The following CCDC91 variants were observed in gnomAD, a reference collection of about 807,000 sequenced individuals.
The protein encoded by CCDC91 is coiled-coil domain-containing protein 91.
Under a neutral mutation model 63.2 loss-of-function variants are expected in CCDC91, and 48 were observed. The ratio of observed to expected loss-of-function variants is 0.76; its 90% CI spans 0.60 to 0.97. The LOEUF (loss-of-function observed/expected upper bound fraction) is 0.97. Ranked by LOEUF, CCDC91 falls within the 50% of genes least tolerant of loss-of-function variation. CCDC91 has a pLI of 0.00. For missense variants in CCDC91, 500 were observed against 494.6 expected, an observed-to-expected ratio of 1.01 and a Z score of -0.10; for synonymous variants, 167 against 165.8, an observed-to-expected ratio of 1.01 and a Z score of -0.06.
chr12:28,469,182 A>G (rs1398763635), intron 11 of CCDC91, among the ~76,000 whole-genome samples: 1 of 152,078 alleles, frequency 6.6e-6, no homozygotes, highest in Non-Finnish European at 1.5e-5. Context: ...TATATTTGGA[A>G]AAAACCTAAA....
chr12:28,229,035 G>A (rs1187926314), intron 1 of CCDC91, among the ~76,000 whole-genome samples: 6 of 152,002 alleles, frequency 3.9e-5, no homozygotes. Flanking sequence ...CATTCTGGTG[G>A]ATTGTCTTAC....
intron 11 of CCDC91, among the ~76,000 whole-genome samples, chr12:28,463,596 AC>A (rs1950410934): frequency 6.6e-6 from 1 of 152,190 alleles, no homozygotes; most frequent in South Asian, 2.1e-4. Flanking sequence ...GGACAGATAA[AC>A]ACTTTAAGGG....
chr12:28,198,932 T>G (rs1056343032), intron 1 of CCDC91: 1 of 152,038 alleles, frequency 6.6e-6, no homozygotes, highest in African/African-American at 2.4e-5. Context: ...TTCTCTTTTT[T>G]TTTTTTTAAG....
At chr12:28,381,089 T>G (rs1945272335) in intron 7 of CCDC91, among the ~76,000 whole-genome samples, 1 of 152,148 alleles carries the variant, frequency 6.6e-6, no homozygotes, top group Non-Finnish European at 1.5e-5. Context: ...TTACTTTTGA[T>G]TTTTAAATTT....
At chr12:28,303,032 G>A (rs1938249223) in intron 3 of CCDC91, among the ~76,000 whole-genome samples, 1 of 152,028 alleles carries the variant, frequency 6.6e-6, no homozygotes, top group Non-Finnish European at 1.5e-5. Flanking sequence ...AAAGTGTTAG[G>A]TAGAAATATA....
intron 12 of CCDC91, among the ~76,000 whole-genome samples, chr12:28,524,776 C>G (rs1941107694): frequency 6.6e-6 from 1 of 152,034 alleles, no homozygotes; most frequent in South Asian, 2.1e-4. Flanking sequence ...AGTCTCACTG[C>G]TTTTTATTGG....
intron 12 of CCDC91, among the ~76,000 whole-genome samples, chr12:28,498,397 C>A (rs567282376): frequency 6.6e-6 from 1 of 151,510 alleles, no homozygotes; most frequent in Non-Finnish European, 1.5e-5. Flanking sequence ...AGAGAGAAAG[C>A]CCAAACAGGT....
At chr12:28,393,100 C>T (rs150466899) in intron 8 of CCDC91, among the ~76,000 whole-genome samples, 166 of 152,250 alleles carry the variant, frequency 1.1e-3, no homozygotes, top group African/African-American at 3.8e-3. Flanking sequence ...TTTTTTTTGA[C>T]AGCGTTCCTA....
intron 6 of CCDC91, among the ~76,000 whole-genome samples, chr12:28,353,007 T>C (rs1943283009): frequency 6.6e-6 from 1 of 152,226 alleles, no homozygotes; most frequent in Non-Finnish European, 1.5e-5. Flanking sequence ...TGCAGATCTG[T>C]TGTTTAGTGT....
intron 8 of CCDC91, among the ~76,000 whole-genome samples, chr12:28,427,209 C>T (rs936906061): frequency 1.3e-5 from 2 of 152,170 alleles, no homozygotes; most frequent in Non-Finnish European, 2.9e-5. Context: ...CTAGCTTCCT[C>T]CCCAACCCCC....
chr12:28,358,270 T>A (rs1367118360), intron 6 of CCDC91, among the ~76,000 whole-genome samples: 1 of 152,216 alleles, frequency 6.6e-6, no homozygotes, highest in East Asian at 1.9e-4. Context: ...AGACATCTAC[T>A]TGAACCTGTC....
Position 28,421,927 on chromosome 12 carries a change from C to A in CCDC91, c.763-28234C>A, listed in dbSNP as rs78971913. 8.1e-3 allele frequency among the ~76,000 whole-genome samples: 1,227 copies of A among 152,140 alleles called. 14 individuals carry two copies. Among genetic ancestry groups the A allele is most frequent in the African/African-American group, 0.028 (1,183 of 41,516 alleles). ...TGTAAATTTGTCTTTATTTGCTGATCCTTGAGATTGACATCACTTTGTAAG... is the reference window on the plus strand; with the variant it reads ...TGTAAATTTGTCTTTATTTGCTGATACTTGAGATTGACATCACTTTGTAAG... On this transcript the variant is annotated intron_variant, in intron 8 of 12. Transcript: ENST00000536442.
intron 12 of CCDC91, among the ~76,000 whole-genome samples, chr12:28,490,150 C>T (rs1206504788): frequency 6.6e-6 from 1 of 151,818 alleles, no homozygotes; most frequent in Non-Finnish European, 1.5e-5. Flanking sequence ...TTCCCATCTT[C>T]CTGCCCCTTT....
intron 8 of CCDC91, among the ~76,000 whole-genome samples, chr12:28,413,390 G>A (rs1947441872): frequency 6.6e-6 from 1 of 152,002 alleles, no homozygotes; most frequent in East Asian, 1.9e-4. Flanking sequence ...CTCCTCATGT[G>A]TTTAATTTCT....
At chr12:28,198,672 G>T (rs1235792829) in intron 1 of CCDC91, among the ~76,000 whole-genome samples, 2 of 152,064 alleles carry the variant, frequency 1.3e-5, no homozygotes, top group African/African-American at 4.8e-5. Flanking sequence ...TCTCTTGTTG[G>T]TTATGCAGAA....
chr12:28,512,307 A>G (rs1397458569), intron 12 of CCDC91, among the ~76,000 whole-genome samples: 4 of 151,868 alleles, frequency 2.6e-5, no homozygotes, highest in Non-Finnish European at 1.5e-5. Context: ...AAACACCTTA[A>G]ATCAGCATGA....
chr12:28,373,852 T>G (rs1479833249), intron 7 of CCDC91, among the ~76,000 whole-genome samples: 1 of 152,114 alleles, frequency 6.6e-6, no homozygotes, highest in East Asian at 1.9e-4. Flanking sequence ...GAGTGAGTTC[T>G]CACAAGATCT....
At chr12:28,497,954 C>T (rs1159218847) in intron 12 of CCDC91, among the ~76,000 whole-genome samples, 2 of 151,482 alleles carry the variant, frequency 1.3e-5, no homozygotes, top group Admixed American at 1.3e-4. Flanking sequence ...TTTCCCTTTC[C>T]TTATGTATCA....
chr12:28,314,514 G>A (rs1316440584), intron 6 of CCDC91, among the ~76,000 whole-genome samples: 3 of 152,014 alleles, frequency 2.0e-5, no homozygotes, highest in Non-Finnish European at 4.4e-5. Context: ...AGAGAATTTA[G>A]CAGTTATGTG....
Sources: gnomAD v4.1 joint callset for allele counts (sites outside exome capture counted in the v4.1 genomes callset) on GRCh38, gnomAD v4.1.1 for gene constraint, MANE v1.5 for transcripts, NCBI Gene and HGNC (gene_info 2026-07-23, HGNC 2026-07-21) for gene names.